The following USP32 variants were observed in gnomAD, a reference collection of about 807,000 sequenced individuals.
USP32 encodes ubiquitin specific peptidase 32.
In USP32, 59 loss-of-function variants were observed where a neutral mutation model predicts 204.8. The observed-to-expected ratio is 0.29, with a 90% confidence interval of 0.23 to 0.36. The LOEUF (loss-of-function observed/expected upper bound fraction) is 0.36. Ranked by LOEUF, USP32 falls within the 10% of genes least tolerant of loss-of-function variation. USP32 has a pLI of 1.00. For missense variants in USP32, 1,160 were observed against 1,946.4 expected, an observed-to-expected ratio of 0.60 and a Z score of 7.60; for synonymous variants, 517 against 678.4, an observed-to-expected ratio of 0.76 and a Z score of 3.70.
intron 13 of USP32, 85 bp downstream of exon 13, chr17:60,225,954 A>C (rs1317912427): frequency 3.9e-5 from 4 of 101,644 alleles, no homozygotes; most frequent in Non-Finnish European, 5.4e-5. Context: ...CTCAGTCTCA[A>C]AAAAAAAAAA....
At chr17:60,254,095 C>G (rs2086235998) in intron 10 of USP32, among the ~76,000 whole-genome samples, 1 of 152,088 alleles carries the variant, frequency 6.6e-6, no homozygotes, top group African/African-American at 2.4e-5. Flanking sequence ...CATACTAAAC[C>G]ATTCTGACCT....
chr17:60,321,936 A>G (rs1598243201), intron 2 of USP32, among the ~76,000 whole-genome samples: 1 of 152,074 alleles, frequency 6.6e-6, no homozygotes. Context: ...CTTTGCCACA[A>G]CTTTAGTCAT....
intron 3 of USP32, among the ~76,000 whole-genome samples, chr17:60,296,192 A>G (rs1311159210): frequency 1.3e-5 from 2 of 152,184 alleles, no homozygotes; most frequent in Non-Finnish European, 1.5e-5. Context: ...CGTATTAGAT[A>G]TATGTTTGAA....
At chr17:60,403,869 A>G (rs1268855384) in intron 1 of USP32, among the ~76,000 whole-genome samples, 1 of 151,912 alleles carries the variant, frequency 6.6e-6, no homozygotes, top group Admixed American at 6.6e-5. Flanking sequence ...GTGAGACTCT[A>G]TGTCTACAAA....
intron 29 of USP32, chr17:60,185,994 AGT>A (rs1440352310): frequency 5.3e-6 from 1 of 189,956 alleles, no homozygotes; most frequent in Non-Finnish European, 1.1e-5. Flanking sequence ...TAGAGGTTGC[AGT>A]GAACTGTGAT....
chr17:60,313,923 T>C (rs1465586845), intron 2 of USP32, among the ~76,000 whole-genome samples: 1 of 150,552 alleles, frequency 6.6e-6, no homozygotes, highest in Non-Finnish European at 1.5e-5. Context: ...AACAGAAAAT[T>C]GTAACCAATC....
chr17:60,308,861 G>C (rs773163402), intron 2 of USP32, among the ~76,000 whole-genome samples: 5 of 152,170 alleles, frequency 3.3e-5, no homozygotes, highest in African/African-American at 1.2e-4. Context: ...CCCAGGAGGC[G>C]GAGGTTGCAG....
At chr17:60,277,691 T>C (rs1010101225) in intron 5 of USP32, among the ~76,000 whole-genome samples, 13 of 152,196 alleles carry the variant, frequency 8.5e-5, no homozygotes, top group Admixed American at 7.2e-4. Context: ...TAAAGTCCCA[T>C]CACCAAAATT....
At chr17:60,379,444 T>G (rs1452958892) in intron 1 of USP32, among the ~76,000 whole-genome samples, 3 of 152,132 alleles carry the variant, frequency 2.0e-5, no homozygotes, top group Admixed American at 6.5e-5. Context: ...ACAGAAAAAG[T>G]CTACCCTTTC....
At chr17:60,249,208 G>A (rs2086108549) in intron 11 of USP32, 2 of 152,504 alleles carry the variant, frequency 1.3e-5, no homozygotes, top group South Asian at 4.1e-4. Flanking sequence ...TGATGGATCT[G>A]TACATGGTTT....
chr17:60,370,643 C>T lies in USP32; in HGVS notation c.58+21239G>A, dbSNP rs558723824. On this transcript the variant is annotated intron_variant, in intron 1 of 33. Coordinates refer to ENST00000300896, the MANE Select transcript of USP32 (RefSeq NM_032582.4). ...TTAGCTGGGCATGGTGGTGCCCACC[C>T]AACCACTCAGGAGGAGGCTGAGGTA... Among the ~76,000 whole-genome samples, 9 of 151,634 alleles carry T rather than the reference C, an allele frequency of 5.9e-5. No homozygotes were observed. In the East Asian group the frequency reaches 1.8e-3, roughly 30 times the overall value.
intron 2 of USP32, among the ~76,000 whole-genome samples, chr17:60,308,628 C>A (rs969974995): frequency 6.6e-6 from 1 of 152,138 alleles, no homozygotes; most frequent in Non-Finnish European, 1.5e-5. Context: ...GATAACTATA[C>A]GCAGAAAAAT....
intron 27 of USP32, among the ~76,000 whole-genome samples, chr17:60,193,413 C>G (rs1333627736): frequency 6.6e-6 from 1 of 152,182 alleles, no homozygotes; most frequent in African/African-American, 2.4e-5. Flanking sequence ...GAGTTATAAG[C>G]TACATACCAT....
chr17:60,369,407 T>C (rs1598293795), intron 1 of USP32, among the ~76,000 whole-genome samples: 1 of 115,894 alleles, frequency 8.6e-6, no homozygotes, highest in South Asian at 2.6e-4. Flanking sequence ...CTAAGCAACA[T>C]AGCAAGACCC....
chr17:60,345,232 A>G (rs1211684414), intron 2 of USP32, among the ~76,000 whole-genome samples: 2 of 152,206 alleles, frequency 1.3e-5, no homozygotes, highest in Non-Finnish European at 2.9e-5. Flanking sequence ...AAATGTTCCT[A>G]TGATCATAAT....
rs560714813 is a variant in USP32 at position 60,338,144 on chromosome 17, C to T, written c.186+7337G>A. On this transcript the variant is annotated intron_variant, in intron 2 of 33. Coordinates refer to ENST00000300896, the MANE Select transcript of USP32 (RefSeq NM_032582.4). Reference sequence around the variant, plus strand: ...ATCAAGCCCAGCCTGGGCAACATGGCGAAACTGCATCTCTACAAAAAATAC... The same window carrying T: ...ATCAAGCCCAGCCTGGGCAACATGGTGAAACTGCATCTCTACAAAAAATAC... 9.2e-5 allele frequency among the ~76,000 whole-genome samples: 14 copies of T among 151,374 alleles called. No individual in the cohort carries two copies. The East Asian group carries it at 2.8e-3, about 30-fold the overall frequency.
intron 19 of USP32, 66 bp downstream of exon 19, chr17:60,211,958 T>C (rs2084978987): frequency 1.5e-6 from 2 of 1,350,724 alleles, no homozygotes; most frequent in East Asian, 2.6e-5. Context: ...ACTTTAACAG[T>C]TGAGAGAAGA....
chr17:60,251,131 C>G (rs1452579366), intron 11 of USP32, among the ~76,000 whole-genome samples: 1 of 151,832 alleles, frequency 6.6e-6, no homozygotes, highest in Non-Finnish European at 1.5e-5. Context: ...TTTGTAAAGA[C>G]AGGGTCTCAC....
At chr17:60,289,186 T>A (rs887807445) in intron 4 of USP32, among the ~76,000 whole-genome samples, 10 of 152,182 alleles carry the variant, frequency 6.6e-5, no homozygotes, top group Admixed American at 6.5e-4. Context: ...TTTTTGTATT[T>A]TTTAGTAAAG....
Sources: gnomAD v4.1 joint callset for allele counts (sites outside exome capture counted in the v4.1 genomes callset) on GRCh38, gnomAD v4.1.1 for gene constraint, MANE v1.5 for transcripts, NCBI Gene and HGNC (gene_info 2026-07-23, HGNC 2026-07-21) for gene names.